THSD1: variants seen among roughly 807,000 people sequenced by gnomAD.
THSD1 encodes thrombospondin type-1 domain-containing protein 1.
A neutral mutation model predicts 46.3 loss-of-function variants in THSD1; 34 were observed. That is an observed-to-expected ratio of 0.74 (90% confidence interval 0.56 to 0.98). THSD1 has a LOEUF of 0.98. Ranked by LOEUF, THSD1 falls within the 50% of genes least tolerant of loss-of-function variation. The pLI, the probability that THSD1 is intolerant of heterozygous loss-of-function variation, is 0.00. For missense variants in THSD1, 1,023 were observed against 1,058.3 expected, an observed-to-expected ratio of 0.97 and a Z score of 0.46; for synonymous variants, 407 against 416.5, an observed-to-expected ratio of 0.98 and a Z score of 0.28.
chr13:52,393,377 T>A (rs535809305), intron 3 of THSD1, among the ~76,000 whole-genome samples: 23 of 152,392 alleles, frequency 1.5e-4, no homozygotes, highest in African/African-American at 5.5e-4. Context: ...ATGTATTTGC[T>A]ATCAATTGTT....
intron 3 of THSD1, among the ~76,000 whole-genome samples, 176 bp from the exon 4 acceptor site, chr13:52,386,362 G>C (rs561123431): frequency 6.6e-6 from 1 of 152,260 alleles, no homozygotes; most frequent in East Asian, 1.9e-4. Flanking sequence ...ACAAAGAAAA[G>C]CTGTATAATT....
chr13:52,402,797 A>G (rs1957875109), intron 1 of THSD1, 116 bp from the exon 2 acceptor site: 1 of 1,368,122 alleles, frequency 7.3e-7, no homozygotes, highest in South Asian at 1.7e-5. Flanking sequence ...TTGAAAGGAA[A>G]CTAGAGAGGA....
chr13:52,377,936 G>T lies in THSD1; in HGVS notation c.2034C>A (p.Ala678=). 1.2e-6 allele frequency: 2 copies of T among 1,614,120 alleles called. No homozygotes were observed. The highest frequency in any genetic ancestry group is 1.7e-6 in the Non-Finnish European group (2 of 1,180,034). The part of the protein sequence containing the change: ...RSMSTLTPRQ[A]PAYSSRTRTC... ...TCCGCGTCCTAGAGCTGTAGGCAGG[G>T]GCCTGCCGTGGAGTCAGAGTGGACA... The change falls in exon 5 of 5, where the codon GCC becomes GCA. Residue 678 remains alanine, a synonymous_variant. Transcript: ENST00000258613.
chr13:52,395,716 G>A (rs899749047), intron 3 of THSD1, among the ~76,000 whole-genome samples: 2 of 152,128 alleles, frequency 1.3e-5, no homozygotes, highest in African/African-American at 2.4e-5. Context: ...GGGCGAGTGT[G>A]GTGTCACAGA....
chr13:52,380,325 C>T (rs1020563011), intron 4 of THSD1, among the ~76,000 whole-genome samples: 6 of 108,178 alleles, frequency 5.5e-5, no homozygotes, highest in African/African-American at 1.0e-4. Context: ...CTTCTCCACC[C>T]GTCCTCCCAC....
rs754598716 is a variant in THSD1 at position 52,378,473 on chromosome 13, C to T, written c.1497G>A (p.Arg499=). The change falls in exon 5 of 5, where the codon AGG becomes AGA. Residue 499 remains arginine (R), a synonymous_variant. Transcript: ENST00000258613. ...CCTCGGGAGGTACCGGCCCGCTCCG[C>T]CTGTAGGTCAGAGGGATGCCTGTGT... The part of the protein sequence containing the change: ...PGDTGIPLTY[R]RSGPVPPEDD... 1.2e-6 allele frequency: 2 copies of T among 1,614,198 alleles called. No homozygotes were observed. The highest frequency in any genetic ancestry group is 1.7e-6 in the Non-Finnish European group (2 of 1,180,038).
At chr13:52,387,127 G>A (rs1179706106) in intron 3 of THSD1, among the ~76,000 whole-genome samples, 3 of 152,184 alleles carry the variant, frequency 2.0e-5, no homozygotes, top group Non-Finnish European at 4.4e-5. Flanking sequence ...AGCAAAAGAT[G>A]AAAGCCTCTC....
intron 2 of THSD1, chr13:52,398,441 C>G (rs1050084638): frequency 1.9e-5 from 15 of 775,230 alleles, no homozygotes; most frequent in Admixed American, 6.3e-5. Flanking sequence ...AGCTAATTTT[C>G]TTTTTGTAGA....
intron 2 of THSD1, 37 bp from the exon 3 acceptor site, chr13:52,398,231 G>A: frequency 6.4e-7 from 1 of 1,572,044 alleles, no homozygotes; most frequent in South Asian, 1.2e-5. Flanking sequence ...TTTAAAAGGT[G>A]CATTTGAGAA....
In THSD1 at chr13:52,388,555, C is replaced by T. The variant is rs192632742; in HGVS notation, c.1022-2369G>A. ...GTGCAATGGTGCGATCTCAGCTCAC[C>T]GCAACCTCCACCCGCCTGGGTTCAA... On this transcript the variant is annotated intron_variant, in intron 3 of 4. Transcript: ENST00000258613. Among the ~76,000 whole-genome samples the T allele has an allele frequency of 1.5e-3, 225 of 152,004 alleles. 1 individual carries two copies. Among genetic ancestry groups the T allele is most frequent in the African/African-American group, 5.0e-3 (209 of 41,446 alleles).
chr13:52,405,958 C>T (rs1957902769), intron 1 of THSD1, 73 bp downstream of exon 1: 1 of 152,214 alleles, frequency 6.6e-6, no homozygotes, highest in South Asian at 2.1e-4. Context: ...GGAGGCATTT[C>T]CCGACCCCAG....
At chr13:52,384,139 G>A (rs568504154) in intron 4 of THSD1, 15 of 327,676 alleles carry the variant, frequency 4.6e-5, no homozygotes, top group Middle Eastern at 1.1e-3. Context: ...AGCCGAGATC[G>A]CACCATTGCA....
At chr13:52,395,710 G>A (rs189509289) in intron 3 of THSD1, among the ~76,000 whole-genome samples, 4 of 152,240 alleles carry the variant, frequency 2.6e-5, no homozygotes, top group Admixed American at 6.5e-5. Flanking sequence ...TGAGCAGGGC[G>A]AGTGTGGTGT....
Position 52,386,190 on chromosome 13 carries a change from C to T in THSD1, c.1022-4G>A. ...GGCTGCCACAGTCCCCAAGTTTCTG[C>T]AAGGATATAAGTTATGCTTTTAATG... On this transcript the variant is annotated splice_region_variant and splice_polypyrimidine_tract_variant and intron_variant, in intron 3 of 4. Coordinates refer to ENST00000258613, the MANE Select transcript of THSD1 (RefSeq NM_018676.4). 1 of 1,613,728 alleles carries T rather than the reference C, an allele frequency of 6.2e-7. No homozygotes were observed. The highest frequency in any genetic ancestry group is 8.5e-7 in the Non-Finnish European group (1 of 1,179,826).
intron 1 of THSD1, among the ~76,000 whole-genome samples, chr13:52,405,251 T>C (rs1337980946): frequency 6.6e-6 from 1 of 152,200 alleles, no homozygotes; most frequent in Non-Finnish European, 1.5e-5. Flanking sequence ...TGAGACCCCA[T>C]GTTTTTGCTG....
Position 52,378,362 on chromosome 13 carries a change from C to T in THSD1, c.1608G>A (p.Gln536=), listed in dbSNP as rs141210891. ...PLFSYRLAQQ[Q]LKEMKKKGLT... is the part of the protein sequence containing the mutation. Reference sequence around the variant, plus strand: ...GACCTTTCTTTTTCATCTCCTTTAACTGCTGCTGGGCAAGGCGGTAGCTGA... The same window carrying T: ...GACCTTTCTTTTTCATCTCCTTTAATTGCTGCTGGGCAAGGCGGTAGCTGA... Residue 536 remains glutamine (Q), a synonymous_variant, in exon 5 of 5, where the codon CAG becomes CAA. Transcript: ENST00000258613. 174 of 1,614,142 alleles carry T rather than the reference C, an allele frequency of 1.1e-4. 1 individual carries two copies. In the East Asian group the frequency reaches 2.4e-3, roughly 22 times the overall value.
chr13:52,381,132 C>T (rs537530773), intron 4 of THSD1, among the ~76,000 whole-genome samples: 2 of 152,160 alleles, frequency 1.3e-5, no homozygotes, highest in African/African-American at 2.4e-5. Context: ...TCCATTTTCT[C>T]CCATCTGCCA....
In THSD1 at chr13:52,397,775, C is replaced by A; in HGVS notation, c.478G>T (p.Val160Leu). 1 of 1,614,254 alleles carries A rather than the reference C, an allele frequency of 6.2e-7. No homozygotes were observed. The highest frequency in any genetic ancestry group is 8.5e-7 in the Non-Finnish European group (1 of 1,180,052). Reference sequence around the variant, plus strand: ...TCCACTACGATGTTGGGCTTGTCCACAGGAAACGGGCACAGTGGTTGACTG... The same window carrying A: ...TCCACTACGATGTTGGGCTTGTCCAAAGGAAACGGGCACAGTGGTTGACTG... ...FTSQPLCPFP[V>L]DKPNIVVDVI... Residue 160 changes from valine to leucine, a missense_variant, in exon 3 of 5, where the codon GTG (valine) becomes TTG (leucine). Val to Leu is a conservative substitution (Grantham distance 32, BLOSUM62 1). Coordinates refer to ENST00000258613, the MANE Select transcript of THSD1 (RefSeq NM_018676.4).
Position 52,378,639 on chromosome 13 carries a change from T to C in THSD1, c.1331A>G (p.Lys444Arg). ...GTTGTGTCGAGCAGGTGTGCTGCACTTGGCTGGCCGGCCGAACCTCCTCCA... is the reference window on the plus strand; with the variant it reads ...GTTGTGTCGAGCAGGTGTGCTGCACCTGGCTGGCCGGCCGAACCTCCTCCA... The part of the protein sequence containing the change: ...TLWRRFGRPA[K>R]CSTPARHNSI... The change falls in exon 5 of 5, where the codon AAG becomes AGG. Residue 444 changes from lysine to arginine, a missense_variant. Coordinates refer to ENST00000258613, the MANE Select transcript of THSD1 (RefSeq NM_018676.4). 1 of 1,614,080 alleles carries C rather than the reference T, an allele frequency of 6.2e-7. No individual in the cohort carries two copies. The highest frequency in any genetic ancestry group is 1.1e-5 in the South Asian group (1 of 91,072).
Sources: gnomAD v4.1 joint callset for allele counts (sites outside exome capture counted in the v4.1 genomes callset) on GRCh38, gnomAD v4.1.1 for gene constraint, MANE v1.5 for transcripts, NCBI Gene and HGNC (gene_info 2026-07-23, HGNC 2026-07-21) for gene names.